ARHGAP24: variants seen among roughly 807,000 people sequenced by gnomAD.
ARHGAP24 encodes rho GTPase-activating protein 24.
In ARHGAP24, 50 loss-of-function variants were observed where a neutral mutation model predicts 76.4. The ratio of observed to expected loss-of-function variants is 0.65; its 90% CI spans 0.52 to 0.83. The LOEUF is 0.83. Among genes scored for constraint, ARHGAP24 ranks in the 40% least tolerant of loss-of-function variants. The pLI is 0.00. For synonymous variants in ARHGAP24, 345 were observed against 323.3 expected (o/e 1.07, Z -0.72); for missense variants, 930 against 914.2 (o/e 1.02, Z -0.22).
At chr4:85,856,766 G>A (rs567943408) in intron 3 of ARHGAP24, among the ~76,000 whole-genome samples, 5 of 152,052 alleles carry the variant, frequency 3.3e-5, no homozygotes, top group South Asian at 2.1e-4. Context: ...CACCGCGCCC[G>A]GCTGGAAATT....
Position 86,000,773 on chromosome 4 carries a change from T to C in ARHGAP24, c.*51T>C, listed in dbSNP as rs753721826. ...TGGCTCTGGCAAGGACTCCAGGGATTCTGGTGGGATATGACTTAGAACCAG... is the reference window on the plus strand; with the variant it reads ...TGGCTCTGGCAAGGACTCCAGGGATCCTGGTGGGATATGACTTAGAACCAG... On this transcript the variant is annotated 3_prime_UTR_variant, in exon 10 of 10. Coordinates refer to ENST00000395184, the MANE Select transcript of ARHGAP24 (RefSeq NM_001025616.3). The C allele has an allele frequency of 6.2e-7, 1 of 1,611,586 alleles. No homozygotes were observed. Among genetic ancestry groups the C allele is most frequent in the South Asian group, 1.1e-5 (1 of 90,632 alleles).
intron 2 of ARHGAP24, among the ~76,000 whole-genome samples, chr4:85,610,228 G>C (rs576584552): frequency 5.9e-5 from 9 of 151,974 alleles, no homozygotes; most frequent in Admixed American, 5.2e-4. Flanking sequence ...CGGATCACGA[G>C]GTCAGGAGAT....
chr4:85,614,643 G>A (rs1720490755), intron 2 of ARHGAP24, among the ~76,000 whole-genome samples: 1 of 152,000 alleles, frequency 6.6e-6, no homozygotes, highest in African/African-American at 2.4e-5. Flanking sequence ...GATTAGGCTG[G>A]ATTTAAATGG....
Position 85,755,641 on chromosome 4 carries a change from G to GTTTTTTT in ARHGAP24, c.268+33673_268+33674insTTTTTTT, listed in dbSNP as rs147557214. On this transcript the variant is annotated intron_variant, in intron 3 of 9. Coordinates refer to ENST00000395184, the MANE Select transcript of ARHGAP24 (RefSeq NM_001025616.3). ...CTATTCTTTTGTTTTGTTTTGTTTTGTTTTGTTTTGAGACGGAGTCTCGTT... is the reference window on the plus strand; with the variant it reads ...CTATTCTTTTGTTTTGTTTTGTTTTGTTTTTTTTTTTGTTTTGAGACGGAGTCTCGTT... 2.5e-4 allele frequency among the ~76,000 whole-genome samples: 28 copies of GTTTTTTT among 113,324 alleles called. 4 individuals are homozygous for GTTTTTTT. The highest frequency in any genetic ancestry group is 4.8e-4 in the East Asian group (2 of 4,168). 74.3% of individuals were successfully genotyped at this position (113,324 alleles called of 152,430 possible).
intron 3 of ARHGAP24, among the ~76,000 whole-genome samples, chr4:85,802,137 A>T (rs1410269202): frequency 6.6e-6 from 1 of 152,200 alleles, no homozygotes; most frequent in African/African-American, 2.4e-5. Flanking sequence ...TAATGTTTGG[A>T]TAAGAATTAA....
intron 2 of ARHGAP24, among the ~76,000 whole-genome samples, chr4:85,676,417 A>G (rs1722982255): frequency 6.6e-6 from 1 of 152,148 alleles, no homozygotes; most frequent in Non-Finnish European, 1.5e-5. Context: ...TTTTCATTAT[A>G]ATTTAACAAC....
intron 2 of ARHGAP24, among the ~76,000 whole-genome samples, chr4:85,677,164 C>T (rs563922242): frequency 1.4e-3 from 210 of 152,358 alleles, no homozygotes; most frequent in Non-Finnish European, 2.6e-3. Context: ...AACAGACACA[C>T]ATGCAAGCCA....
intron 3 of ARHGAP24, among the ~76,000 whole-genome samples, chr4:85,877,337 G>A (rs1196420778): frequency 1.3e-5 from 2 of 152,090 alleles, no homozygotes; most frequent in African/African-American, 4.8e-5. Flanking sequence ...GAATATAATA[G>A]CACAAGACTG....
intron 1 of ARHGAP24, among the ~76,000 whole-genome samples, chr4:85,492,361 A>G (rs1461523233): frequency 6.6e-6 from 1 of 152,102 alleles, no homozygotes; most frequent in Non-Finnish European, 1.5e-5. Flanking sequence ...ATTGTTCAAA[A>G]CTGCTTGAAT....
At chr4:85,529,555 T>C (rs1273176988) in intron 1 of ARHGAP24, among the ~76,000 whole-genome samples, 2 of 152,042 alleles carry the variant, frequency 1.3e-5, no homozygotes, top group Non-Finnish European at 2.9e-5. Flanking sequence ...GCTGATATTT[T>C]TGGCAGATAA....
intron 1 of ARHGAP24, among the ~76,000 whole-genome samples, chr4:85,540,254 C>T (rs920624325): frequency 2.0e-5 from 3 of 151,656 alleles, no homozygotes; most frequent in Non-Finnish European, 2.9e-5. Flanking sequence ...TAAATAAACA[C>T]AAATAAAATT....
intron 3 of ARHGAP24, among the ~76,000 whole-genome samples, chr4:85,913,620 T>C (rs1173056542): frequency 6.6e-6 from 1 of 152,168 alleles, no homozygotes; most frequent in Non-Finnish European, 1.5e-5. Flanking sequence ...GCCTTTGTTT[T>C]ATTCACTGCT....
chr4:85,535,691 G>T (rs1725442025), intron 1 of ARHGAP24, among the ~76,000 whole-genome samples: 1 of 152,222 alleles, frequency 6.6e-6, no homozygotes, highest in South Asian at 2.1e-4. Context: ...AGAGACTACG[G>T]TGGAGTTTAT....
intron 3 of ARHGAP24, among the ~76,000 whole-genome samples, chr4:85,861,000 G>GCA (rs70948764): frequency 0.066 from 9,051 of 137,362 alleles, 309 homozygotes; most frequent in African/African-American, 0.097. Context: ...GTGCATGCAC[G>GCA]CACACACACA....
intron 8 of ARHGAP24, among the ~76,000 whole-genome samples, chr4:85,993,226 G>A (rs1193779274): frequency 6.6e-6 from 1 of 152,150 alleles, no homozygotes; most frequent in Non-Finnish European, 1.5e-5. Context: ...CAGCTTCCAG[G>A]TGATGCCAGT....
chr4:85,670,996 A>T (rs1722797292), intron 2 of ARHGAP24, among the ~76,000 whole-genome samples: 2 of 152,220 alleles, frequency 1.3e-5, no homozygotes, highest in African/African-American at 4.8e-5. Context: ...TTCGCAGATC[A>T]TTCTAATGGT....
chr4:85,868,726 G>C (rs1018081418), intron 3 of ARHGAP24, among the ~76,000 whole-genome samples: 1 of 151,874 alleles, frequency 6.6e-6, no homozygotes, highest in Non-Finnish European at 1.5e-5. Context: ...GTTAATAATA[G>C]GGAAAACAGG....
At chr4:85,764,663 G>T (rs942882705) in intron 3 of ARHGAP24, among the ~76,000 whole-genome samples, 1 of 152,000 alleles carries the variant, frequency 6.6e-6, no homozygotes, top group African/African-American at 2.4e-5. Flanking sequence ...GAATACAGAG[G>T]AGAAACCAAG....
intron 2 of ARHGAP24, among the ~76,000 whole-genome samples, chr4:85,607,804 T>A (rs1295153300): frequency 7.0e-6 from 1 of 143,786 alleles, no homozygotes; most frequent in Admixed American, 7.1e-5. Context: ...AGCTACGCCG[T>A]GCCAACTTTC....
Sources: gnomAD v4.1 joint callset for allele counts (sites outside exome capture counted in the v4.1 genomes callset) on GRCh38, gnomAD v4.1.1 for gene constraint, MANE v1.5 for transcripts, NCBI Gene and HGNC (gene_info 2026-07-23, HGNC 2026-07-21) for gene names.